The following ABCA13 variants were observed in gnomAD, a reference collection of about 807,000 sequenced individuals.
The protein encoded by ABCA13 is ATP-binding cassette sub-family A member 13.
ABCA13 carries 476 observed loss-of-function variants against 478.7 expected under a neutral mutation model. That is an observed-to-expected ratio of 0.99 (90% CI 0.92 to 1.07). The LOEUF is 1.07. Ranked by LOEUF, ABCA13 falls within the 50% of genes least tolerant of loss-of-function variation. The pLI is 0.00. For synonymous variants in ABCA13, 2,252 were observed against 2,158.9 expected, an observed-to-expected ratio of 1.04 and a Z score of -1.20; for missense variants, 6,060 against 5,910.6, an observed-to-expected ratio of 1.03 and a Z score of -0.83.
chr7:48,271,970 G>C lies in ABCA13; in HGVS notation c.2304G>C (p.Leu768=). ...HSLPSLTEDI[L]NISSLWTNHL... The stretch of plus-strand genomic sequence containing the variant: ...TCCCATCTCTCACAGAGGATATTCT[G>C]AATATAAGTTCTCTGTGGACAAATC... The change falls in exon 17 of 62, where the codon CTG becomes CTC. Residue 768 remains leucine, a synonymous_variant. Transcript: ENST00000435803. The C allele has an allele frequency of 6.2e-7, 1 of 1,613,524 alleles. No individual in the cohort carries two copies. The highest frequency in any genetic ancestry group is 8.5e-7 in the Non-Finnish European group (1 of 1,179,678).
chr7:48,459,451 C>T (rs544173502), intron 43 of ABCA13, among the ~76,000 whole-genome samples: 2 of 152,288 alleles, frequency 1.3e-5, no homozygotes, highest in Non-Finnish European at 2.9e-5. Context: ...CCTTCCTCTC[C>T]TCAGTCCTCT....
At chr7:48,266,624 T>G (rs59778503) in intron 15 of ABCA13, among the ~76,000 whole-genome samples, 15,792 of 151,778 alleles carry the variant, frequency 0.1, 897 homozygotes, top group South Asian at 0.18. Flanking sequence ...TTATCAATCT[T>G]ATTATTGATC....
rs1462798959 is a variant in ABCA13 at position 48,276,059 on chromosome 7, G to A, written c.6393G>A (p.Gln2131=). The change falls in exon 17 of 62, where the codon CAG becomes CAA. Residue 2131 remains glutamine (Q), a synonymous_variant. Transcript: ENST00000435803. ...TATTGGTCACAAAAAACTGGCTTCAGGAATATGCAAATGAGGATTACTCCA... is the reference window on the plus strand; with the variant it reads ...TATTGGTCACAAAAAACTGGCTTCAAGAATATGCAAATGAGGATTACTCCA... ...DFLLVTKNWL[Q]EYANEDYSRM... The A allele has an allele frequency of 3.1e-6, 5 of 1,606,752 alleles. No homozygotes were observed. Among genetic ancestry groups the A allele is most frequent in the Non-Finnish European group, 4.3e-6 (5 of 1,176,178 alleles).
intron 1 of ABCA13, among the ~76,000 whole-genome samples, chr7:48,184,226 T>C (rs1242741094): frequency 6.6e-6 from 1 of 152,320 alleles, no homozygotes; most frequent in East Asian, 1.9e-4. Context: ...AAGGTGTTCA[T>C]AGTTTGATCT....
intron 15 of ABCA13, among the ~76,000 whole-genome samples, chr7:48,259,799 C>G (rs1215826097): frequency 6.6e-6 from 1 of 151,612 alleles, no homozygotes. Flanking sequence ...TGAGGCAGGT[C>G]TTGTGGTATT....
chr7:48,226,651 T>C (rs10274130), intron 5 of ABCA13, among the ~76,000 whole-genome samples: 7,779 of 152,172 alleles, frequency 0.051, 297 homozygotes, highest in East Asian at 0.11. Flanking sequence ...TCATGGAGCA[T>C]TGGGGTGTTT....
chr7:48,200,348 C>G (rs1442953391), intron 3 of ABCA13, among the ~76,000 whole-genome samples: 3 of 152,202 alleles, frequency 2.0e-5, no homozygotes, highest in Non-Finnish European at 4.4e-5. Context: ...GCCTGGGTGA[C>G]AGAGCGAGAC....
chr7:48,267,522 G>A (rs1689172089), intron 15 of ABCA13, among the ~76,000 whole-genome samples: 2 of 152,118 alleles, frequency 1.3e-5, no homozygotes, highest in South Asian at 4.1e-4. Context: ...TATTTCAAGT[G>A]CATTTCTTAC....
chr7:48,269,168 A>G, intron 16 of ABCA13, 74 bp downstream of exon 16: 8 of 781,604 alleles, frequency 1.0e-5, no homozygotes, highest in Non-Finnish European at 1.7e-5. Context: ...TAATTATAGG[A>G]TATGCACTCT....
intron 20 of ABCA13, among the ~76,000 whole-genome samples, chr7:48,289,651 G>A (rs1218098556): frequency 6.6e-6 from 1 of 151,966 alleles, no homozygotes; most frequent in Non-Finnish European, 1.5e-5. Flanking sequence ...GAGCCACCTC[G>A]CCCGGCCCCT....
chr7:48,265,666 A>G (rs1404996449), intron 15 of ABCA13, among the ~76,000 whole-genome samples: 6 of 151,628 alleles, frequency 4.0e-5, no homozygotes, highest in African/African-American at 1.4e-4. Flanking sequence ...ACTTTTTAGT[A>G]TTTTTATAGA....
chr7:48,631,975 G>T (rs1794205075), intron 59 of ABCA13, among the ~76,000 whole-genome samples: 1 of 152,070 alleles, frequency 6.6e-6, no homozygotes, highest in Non-Finnish European at 1.5e-5. Context: ...CTTGGTTGTT[G>T]TTAGTGTATA....
chr7:48,254,537 T>A (rs1218878976), intron 15 of ABCA13, among the ~76,000 whole-genome samples: 1 of 152,208 alleles, frequency 6.6e-6, no homozygotes, highest in Non-Finnish European at 1.5e-5. Flanking sequence ...CCCAAAGCAC[T>A]CTACATAAAT....
At chr7:48,481,258 C>A (rs766955391) in intron 46 of ABCA13, 104 bp downstream of exon 46, 105 of 892,602 alleles carry the variant, frequency 1.2e-4, no homozygotes, top group Non-Finnish European at 1.7e-4. Flanking sequence ...CTAAGACTGA[C>A]CTTGGTGCTC....
At position 48,219,883 on chromosome 7, in the gene ABCA13, AACACACACACACACACACAC is replaced by A. The variant is rs3065570; in HGVS notation, c.439+410_439+429del. On this transcript the variant is annotated intron_variant, in intron 4 of 61. Transcript: ENST00000435803. The stretch of plus-strand genomic sequence containing the variant: ...TTAAAATCTGTCCCCACCTTCCCCA[AACACACACACACACACACAC>A]ACACACACACACACACACACACACA... Among the ~76,000 whole-genome samples the A allele has an allele frequency of 5.0e-3, 633 of 126,574 alleles. 2 individuals carry two copies. Among genetic ancestry groups the A allele is most frequent in the African/African-American group, 0.018 (596 of 32,880 alleles). The allele number at this position is 126,574 out of a possible 152,430, so 83.0% of individuals were successfully genotyped here.
chr7:48,524,504 T>G (rs1832760940), intron 54 of ABCA13, 64 bp downstream of exon 54: 4 of 1,408,446 alleles, frequency 2.8e-6, no homozygotes, highest in Non-Finnish European at 3.8e-6. Context: ...GTAGCTGATC[T>G]GCTTGTGTTA....
intron 40 of ABCA13, among the ~76,000 whole-genome samples, chr7:48,411,053 CTTTCTTTCTTTCTTTCTT>C (rs879430965): frequency 0.011 from 887 of 83,416 alleles, 42 homozygotes; most frequent in African/African-American, 0.032. Context: ...CTTTCTTTTT[CTTTCTTTCTTTCTTTCTT>C]TTTCTTTCTT....
rs1009463821 is a variant in ABCA13 at position 48,570,252 on chromosome 7, A to T, written c.14355-9972A>T. Among the ~76,000 whole-genome samples, 4 of 148,228 alleles carry T rather than the reference A, an allele frequency of 2.7e-5. No individual in the cohort carries two copies. The East Asian group carries it at 8.0e-4, about 30-fold the overall frequency. ...ATATTTTCTTCAAGTCTATTTTGTT[A>T]TATATTAGTAGAGTCACCTCAGCTC... is the stretch of plus-strand genomic sequence containing the variant. On this transcript the variant is annotated intron_variant, in intron 55 of 61. Transcript: ENST00000435803.
At chr7:48,280,427 T>C (rs945360595) in intron 18 of ABCA13, among the ~76,000 whole-genome samples, 12 of 152,286 alleles carry the variant, frequency 7.9e-5, no homozygotes, top group South Asian at 2.1e-4. Flanking sequence ...CTCCTATCGC[T>C]GAAAGTTATG....
Sources: gnomAD v4.1 joint callset for allele counts (sites outside exome capture counted in the v4.1 genomes callset) on GRCh38, gnomAD v4.1.1 for gene constraint, MANE v1.5 for transcripts, NCBI Gene and HGNC (gene_info 2026-07-23, HGNC 2026-07-21) for gene names.